SHROOM2: variants seen among roughly 807,000 people sequenced by gnomAD.
The protein encoded by SHROOM2 is shroom family member 2, also known as protein Shroom2.
SHROOM2 carries 33 observed loss-of-function variants against 75.9 expected under a neutral mutation model. That is an observed-to-expected ratio of 0.43 (90% confidence interval 0.33 to 0.58). The LOEUF (loss-of-function observed/expected upper bound fraction) is 0.58, where lower values mean the gene tolerates loss of function less well. Ranked by LOEUF, SHROOM2 falls within the 20% of genes least tolerant of loss-of-function variation. SHROOM2 has a pLI of 0.04. For missense variants in SHROOM2, 1,434 were observed against 1,461.2 expected, an observed-to-expected ratio of 0.98 and a Z score of 0.30; for synonymous variants, 655 against 663.6, an observed-to-expected ratio of 0.99 and a Z score of 0.20.
intron 5 of SHROOM2, among the ~76,000 whole-genome samples, chrX:9,902,007 T>G (rs2084367927): frequency 9.6e-6 from 1 of 103,761 alleles, no homozygotes; most frequent in African/African-American, 3.5e-5. Context: ...GGAGGGTGGG[T>G]GGATGAATAG....
At chrX:9,850,233 C>T (rs1213372757) in intron 1 of SHROOM2, among the ~76,000 whole-genome samples, 1 of 112,088 alleles carries the variant, frequency 8.9e-6, no homozygotes, top group Non-Finnish European at 1.9e-5. Context: ...GCGGAGATGC[C>T]CACTTGCTGA....
At position 9,851,999 on chromosome X, in the gene SHROOM2, A is replaced by G. The variant is rs181644050; in HGVS notation, c.166-21653A>G. Among the ~76,000 whole-genome samples, 87 of 111,906 alleles carry G rather than the reference A, an allele frequency of 7.8e-4. No homozygotes were observed. The Admixed American group carries it at 8.3e-3, about 11-fold the overall frequency. On this transcript the variant is annotated intron_variant, in intron 1 of 9. Coordinates refer to ENST00000380913, the MANE Select transcript of SHROOM2 (RefSeq NM_001649.4). ...TTTTGAATTAACAGGAGTTCAGTGT[A>G]TTTGGAGAGAGGCCTGTCACTCCCT... is the stretch of plus-strand genomic sequence containing the variant.
chrX:9,833,438 C>T (rs752907005), intron 1 of SHROOM2, among the ~76,000 whole-genome samples: 1 of 111,525 alleles, frequency 9.0e-6, no homozygotes. Flanking sequence ...GATGTTTGCT[C>T]TGCAGGCTAC....
chrX:9,846,023 T>C (rs2084004722), intron 1 of SHROOM2, among the ~76,000 whole-genome samples: 2 of 103,329 alleles, frequency 1.9e-5, no homozygotes, highest in Admixed American at 1.1e-4. Context: ...GTGTCTAGCT[T>C]TTTCAGTCAA....
At chrX:9,842,406 T>C (rs2083983775) in intron 1 of SHROOM2, among the ~76,000 whole-genome samples, 1 of 112,639 alleles carries the variant, frequency 8.9e-6, no homozygotes, top group South Asian at 3.6e-4. Context: ...TTCTGACAGA[T>C]CGCTCTGAGA....
chrX:9,894,955 T>C lies in SHROOM2; in HGVS notation c.1047T>C (p.Phe349=). The change falls in exon 4 of 10, where the codon TTT becomes TTC. Residue 349 remains phenylalanine, a synonymous_variant. Coordinates refer to ENST00000380913, the MANE Select transcript of SHROOM2 (RefSeq NM_001649.4). The stretch of plus-strand genomic sequence containing the variant: ...CAGAGGCGGCTGCGGCACAGCACTT[T>C]ACGGCCCTGGCCCAGGCTCAGCCTC... The part of the protein sequence containing the change: ...VFSEAAAAQH[F]TALAQAQPRG... 1 of 1,210,621 alleles carries C rather than the reference T, an allele frequency of 8.3e-7. No homozygotes were observed. Among genetic ancestry groups the C allele is most frequent in the Non-Finnish European group, 1.1e-6 (1 of 895,220 alleles).
At chrX:9,794,184 G>A (rs758655370) in intron 1 of SHROOM2, among the ~76,000 whole-genome samples, 32 of 111,519 alleles carry the variant, frequency 2.9e-4, no homozygotes, top group African/African-American at 1.0e-3. Context: ...CCCAGGGTGG[G>A]GGAGAACAAT....
intron 1 of SHROOM2, among the ~76,000 whole-genome samples, chrX:9,837,817 A>G (rs774931234): frequency 6.3e-5 from 7 of 111,069 alleles, no homozygotes; most frequent in Non-Finnish European, 1.3e-4. Context: ...CCTGGCCAAT[A>G]TAATGTGTGG....
intron 1 of SHROOM2, among the ~76,000 whole-genome samples, chrX:9,795,072 T>C (rs2083687610): frequency 9.3e-6 from 1 of 107,458 alleles, no homozygotes; most frequent in South Asian, 4.0e-4. Context: ...TTGTACTAGG[T>C]CTACTTTTTC....
intron 1 of SHROOM2, among the ~76,000 whole-genome samples, chrX:9,847,670 T>C (rs1441659690): frequency 1.8e-5 from 2 of 112,043 alleles, no homozygotes; most frequent in Admixed American, 9.4e-5. Flanking sequence ...TCCTAAAATA[T>C]GAATGAGACC....
chrX:9,884,348 C>T (rs1242585744), intron 2 of SHROOM2, among the ~76,000 whole-genome samples: 4 of 93,292 alleles, frequency 4.3e-5, no homozygotes, highest in Admixed American at 1.2e-4. Context: ...ACCCAACACT[C>T]GTGATTTTTT....
intron 5 of SHROOM2, among the ~76,000 whole-genome samples, chrX:9,922,382 C>T (rs1366986922): frequency 3.6e-5 from 4 of 111,179 alleles, no homozygotes; most frequent in East Asian, 5.7e-4. Context: ...TTATACACCT[C>T]GTAATCAAAA....
At chrX:9,833,323 G>C (rs1233750101) in intron 1 of SHROOM2, among the ~76,000 whole-genome samples, 1 of 111,310 alleles carries the variant, frequency 9.0e-6, no homozygotes, top group African/African-American at 3.3e-5. Flanking sequence ...TTAGTGTAGT[G>C]ACCCGCAGTC....
chrX:9,930,521 AAAAGAAAG>A (rs527400882), intron 5 of SHROOM2, among the ~76,000 whole-genome samples: 3,176 of 107,619 alleles, frequency 0.03, 100 homozygotes, highest in East Asian at 0.098. Context: ...AAAAAAAAAG[AAAAGAAAG>A]AAAGAAAGAA....
intron 5 of SHROOM2, among the ~76,000 whole-genome samples, chrX:9,900,452 A>G (rs749153789): frequency 3.2e-4 from 36 of 112,500 alleles, no homozygotes; most frequent in Non-Finnish European, 5.3e-4. Flanking sequence ...CAAATAACGT[A>G]AACATGTCTG....
At chrX:9,922,723 G>C (rs1471501756) in intron 5 of SHROOM2, among the ~76,000 whole-genome samples, 1 of 111,345 alleles carries the variant, frequency 9.0e-6, no homozygotes, top group African/African-American at 3.3e-5. Flanking sequence ...GGGTGAGAGA[G>C]TTGTTTCTCT....
At chrX:9,945,992 G>A (rs1048936661) in intron 9 of SHROOM2, among the ~76,000 whole-genome samples, 3 of 112,801 alleles carry the variant, frequency 2.7e-5, no homozygotes, top group African/African-American at 6.4e-5. Context: ...TTTGGGCCAC[G>A]CAGAACGCTG....
At chrX:9,799,655 A>T (rs2083713665) in intron 1 of SHROOM2, among the ~76,000 whole-genome samples, 1 of 109,841 alleles carries the variant, frequency 9.1e-6, no homozygotes, top group Admixed American at 9.8e-5. Context: ...TTTGCCATCT[A>T]CTAGAAGGTT....
chrX:9,823,057 CT>C (rs2083864259), intron 1 of SHROOM2, among the ~76,000 whole-genome samples: 1 of 62,398 alleles, frequency 1.6e-5, no homozygotes, highest in Non-Finnish European at 3.7e-5. Context: ...CCTCCTCCTC[CT>C]CCTCCTCCTC....
Sources: allele counts gnomAD v4.1 joint callset (sites outside exome capture counted in the v4.1 genomes callset), GRCh38; gene constraint gnomAD v4.1.1; transcripts MANE v1.5; gene names NCBI Gene and HGNC (gene_info 2026-07-23, HGNC 2026-07-21).